TUSC3: variants seen among roughly 807,000 people sequenced by gnomAD.
TUSC3 encodes dolichyl-diphosphooligosaccharide--protein glycosyltransferase subunit TUSC3.
A neutral mutation model predicts 44.8 loss-of-function variants in TUSC3; 45 were observed. That is an observed-to-expected ratio of 1.00 (90% CI 0.79 to 1.29). The LOEUF (loss-of-function observed/expected upper bound fraction) is 1.29. Ranked by LOEUF, TUSC3 falls within the 50% of genes most tolerant of loss-of-function variation. The pLI is 0.00. For missense variants in TUSC3, 519 were observed against 437.9 expected (o/e 1.19, Z -1.65); for synonymous variants, 212 against 152.9 (o/e 1.39, Z -2.85).
chr8:15,796,880 G>A, the TUSC3 span, among the ~76,000 whole-genome samples: 7 of 152,124 alleles, frequency 4.6e-5, no homozygotes, highest in African/African-American at 1.7e-4. Flanking sequence ...TGCCCAATGT[G>A]GATATCAGAC....
chr8:15,561,351 G>A (rs1039392660), intron 1 of TUSC3, among the ~76,000 whole-genome samples: 1 of 145,134 alleles, frequency 6.9e-6, no homozygotes, highest in Non-Finnish European at 1.5e-5. Context: ...TGAGGAGGCA[G>A]TCTGCCAGTT....
intron 1 of TUSC3, among the ~76,000 whole-genome samples, chr8:15,549,878 T>C (rs1801998888): frequency 6.6e-6 from 1 of 151,546 alleles, no homozygotes; most frequent in Non-Finnish European, 1.5e-5. Context: ...CCTCAGACAC[T>C]GAATTGTAGA....
At chr8:15,739,607 G>A (rs2129212438) in intron 7 of TUSC3, among the ~76,000 whole-genome samples, 1 of 151,860 alleles carries the variant, frequency 6.6e-6, no homozygotes, top group South Asian at 2.1e-4. Context: ...TAAATTCATA[G>A]ACATCTTTAA....
At chr8:15,548,798 C>T (rs1801958865) in intron 1 of TUSC3, among the ~76,000 whole-genome samples, 1 of 151,832 alleles carries the variant, frequency 6.6e-6, no homozygotes, top group Non-Finnish European at 1.5e-5. Context: ...TCCTTCTACC[C>T]TATGTTTTAA....
chr8:15,726,307 T>G (rs1413657986), intron 6 of TUSC3, among the ~76,000 whole-genome samples: 1 of 152,176 alleles, frequency 6.6e-6, no homozygotes, highest in Non-Finnish European at 1.5e-5. Flanking sequence ...ATTTTTTATT[T>G]TCAAGTATGT....
chr8:15,453,102 T>C (rs1196524777), intron 1 of TUSC3, among the ~76,000 whole-genome samples: 1 of 152,130 alleles, frequency 6.6e-6, no homozygotes, highest in African/African-American at 2.4e-5. Context: ...TATCTAGACT[T>C]GAGAGCTAGT....
chr8:15,421,030 C>T (rs1210176844), intron 1 of TUSC3, among the ~76,000 whole-genome samples: 1 of 152,132 alleles, frequency 6.6e-6, no homozygotes, highest in Non-Finnish European at 1.5e-5. Flanking sequence ...TTGAACTCTG[C>T]ACTTATATAT....
chr8:15,577,344 T>C (rs972594678), intron 1 of TUSC3, among the ~76,000 whole-genome samples: 9 of 152,020 alleles, frequency 5.9e-5, no homozygotes, highest in African/African-American at 2.2e-4. Context: ...ATTTTGGCTT[T>C]TGTTGCCATT....
intron 2 of TUSC3, among the ~76,000 whole-genome samples, chr8:15,525,730 C>T (rs1801365130): frequency 6.6e-6 from 1 of 152,020 alleles, no homozygotes; most frequent in Non-Finnish European, 1.5e-5. Context: ...TGCTCTGGGT[C>T]TCCAGTGATA....
chr8:15,488,126 G>T (rs1465739952), intron 2 of TUSC3, among the ~76,000 whole-genome samples: 1 of 151,948 alleles, frequency 6.6e-6, no homozygotes, highest in East Asian at 1.9e-4. Context: ...TTGACTCTAA[G>T]TCCCCTCTTT....
At chr8:15,794,937 G>C in the TUSC3 span, among the ~76,000 whole-genome samples, 1 of 152,114 alleles carries the variant, frequency 6.6e-6, no homozygotes, top group African/African-American at 2.4e-5. Context: ...TGAGAATCCT[G>C]TGATGGGTTA....
At chr8:15,731,137 G>C (rs1408011282) in intron 7 of TUSC3, among the ~76,000 whole-genome samples, 1 of 152,078 alleles carries the variant, frequency 6.6e-6, no homozygotes, top group Non-Finnish European at 1.5e-5. Context: ...AGAAGAAGGA[G>C]ATTTAGAGTG....
At chr8:15,465,935 A>G (rs964876783) in intron 1 of TUSC3, among the ~76,000 whole-genome samples, 2 of 152,180 alleles carry the variant, frequency 1.3e-5, no homozygotes, top group African/African-American at 4.8e-5. Context: ...TGATATACTC[A>G]GGGAATAAAC....
chr8:15,535,795 G>C (rs144055174), upstream of TUSC3, among the ~76,000 whole-genome samples: 120 of 152,232 alleles, frequency 7.9e-4, no homozygotes, highest in African/African-American at 2.7e-3. Flanking sequence ...GTTTTAAGAA[G>C]GGGAGGTTTG....
the TUSC3 span, among the ~76,000 whole-genome samples, chr8:15,808,465 G>A: frequency 6.6e-6 from 1 of 152,032 alleles, no homozygotes; most frequent in African/African-American, 2.4e-5. Context: ...AAGCTTAAGG[G>A]GTTAGAAAAG....
intron 6 of TUSC3, among the ~76,000 whole-genome samples, chr8:15,721,116 C>T (rs891711190): frequency 1.3e-5 from 2 of 151,978 alleles, no homozygotes; most frequent in African/African-American, 4.8e-5. Context: ...TTGATAATAA[C>T]ATCTTTTTTT....
At chr8:15,555,834 C>G (rs191585968) in intron 1 of TUSC3, among the ~76,000 whole-genome samples, 2 of 151,192 alleles carry the variant, frequency 1.3e-5, no homozygotes, top group Non-Finnish European at 3.0e-5. Context: ...AAATTTCTTA[C>G]GGACTCTTTC....
chr8:15,759,543 G>A (rs1812085005), intron 10 of TUSC3, among the ~76,000 whole-genome samples: 1 of 151,978 alleles, frequency 6.6e-6, no homozygotes, highest in Non-Finnish European at 1.5e-5. Context: ...ATATTTCACA[G>A]GAAGGGAAAA....
intron 2 of TUSC3, among the ~76,000 whole-genome samples, chr8:15,637,603 A>G (rs926950334): frequency 2.0e-5 from 3 of 151,766 alleles, no homozygotes; most frequent in Admixed American, 1.3e-4. Context: ...TTTCTGATTT[A>G]TTTTTGTAGT....
Sources: gnomAD v4.1 joint callset for allele counts (sites outside exome capture counted in the v4.1 genomes callset) on GRCh38, gnomAD v4.1.1 for gene constraint, MANE v1.5 for transcripts, NCBI Gene and HGNC (gene_info 2026-07-23, HGNC 2026-07-21) for gene names.